Variants in CNBD1 observed in about 807,000 individuals in gnomAD.
The protein encoded by CNBD1 is cyclic nucleotide-binding domain-containing protein 1.
In CNBD1, 71 loss-of-function variants were observed where a neutral mutation model predicts 54.4. The ratio of observed to expected loss-of-function variants is 1.30; its 90% CI spans 1.08 to 1.59. The LOEUF (loss-of-function observed/expected upper bound fraction) is 1.59, where lower values mean the gene tolerates loss of function less well. CNBD1 is among the 40% of genes most tolerant of loss of function. The pLI, the probability that CNBD1 is intolerant of heterozygous loss-of-function variation, is 0.00. For missense variants in CNBD1, 659 were observed against 518.0 expected (o/e 1.27, Z -2.64); for synonymous variants, 182 against 170.7 (o/e 1.07, Z -0.51).
chr8:86,918,429 A>G (rs1300917627), intron 3 of CNBD1, among the ~76,000 whole-genome samples: 5 of 151,966 alleles, frequency 3.3e-5, no homozygotes, highest in Non-Finnish European at 2.9e-5. Flanking sequence ...TGCTGATATG[A>G]TTTGGTTCTG....
At chr8:87,371,675 G>A (rs1327880944) in intron 10 of CNBD1, among the ~76,000 whole-genome samples, 1 of 151,964 alleles carries the variant, frequency 6.6e-6, no homozygotes, top group Non-Finnish European at 1.5e-5. Context: ...ATGCAAGGCT[G>A]GTTCAATATA....
chr8:87,123,686 A>G (rs1263641909), intron 4 of CNBD1, among the ~76,000 whole-genome samples: 1 of 151,748 alleles, frequency 6.6e-6, no homozygotes, highest in East Asian at 1.9e-4. Context: ...TCTAAATGAA[A>G]TAGAGACTAG....
chr8:87,391,513 A>G (rs1811310157), intron 2 of CNBD1, among the ~76,000 whole-genome samples: 1 of 152,138 alleles, frequency 6.6e-6, no homozygotes, highest in African/African-American at 2.4e-5. Context: ...GTAACAATGG[A>G]ATATAATTGA....
chr8:87,063,023 C>A (rs977816198), intron 4 of CNBD1, among the ~76,000 whole-genome samples: 2 of 152,118 alleles, frequency 1.3e-5, no homozygotes, highest in African/African-American at 4.8e-5. Flanking sequence ...CAGACCCCTG[C>A]AAAGCAAGTA....
intron 2 of CNBD1, among the ~76,000 whole-genome samples, chr8:87,400,934 T>C (rs558206914): frequency 6.6e-6 from 1 of 152,128 alleles, no homozygotes; most frequent in East Asian, 1.9e-4. Context: ...TTAGACATTG[T>C]TTCTTAAAAA....
chr8:87,304,493 G>T (rs1163231107), intron 8 of CNBD1, among the ~76,000 whole-genome samples: 1 of 152,062 alleles, frequency 6.6e-6, no homozygotes, highest in East Asian at 1.9e-4. Context: ...TTGTGGGGTG[G>T]GGTGAGGGGG....
chr8:87,240,912 C>T (rs1236849590), intron 6 of CNBD1, among the ~76,000 whole-genome samples: 3 of 152,066 alleles, frequency 2.0e-5, no homozygotes, highest in Admixed American at 6.5e-5. Flanking sequence ...ATTCATCTCT[C>T]CAGGAGGTTC....
At chr8:86,873,194 C>T (rs1186713515) in intron 1 of CNBD1, among the ~76,000 whole-genome samples, 12 of 151,496 alleles carry the variant, frequency 7.9e-5, no homozygotes, top group African/African-American at 1.9e-4. Flanking sequence ...TTCTGCCTCC[C>T]GGGTTCAAGA....
chr8:87,102,273 C>T (rs1207398583), intron 4 of CNBD1, among the ~76,000 whole-genome samples: 1 of 151,974 alleles, frequency 6.6e-6, no homozygotes, highest in Non-Finnish European at 1.5e-5. Context: ...TCTGAGTGGG[C>T]ATGGGTACAG....
intron 4 of CNBD1, among the ~76,000 whole-genome samples, chr8:87,176,707 T>C (rs1023567560): frequency 6.6e-6 from 1 of 151,210 alleles, no homozygotes; most frequent in Non-Finnish European, 1.5e-5. Context: ...GCCAGGCTGC[T>C]CAAACTCCCA....
intron 8 of CNBD1, among the ~76,000 whole-genome samples, chr8:87,309,628 C>T (rs1366147892): frequency 6.6e-6 from 1 of 152,070 alleles, no homozygotes; most frequent in African/African-American, 2.4e-5. Context: ...ATCTGTATAT[C>T]TGTAGCTGTG....
At chr8:87,078,089 C>G (rs62527276) in intron 4 of CNBD1, among the ~76,000 whole-genome samples, 29,971 of 152,074 alleles carry the variant, frequency 0.2, 3,594 homozygotes, top group Non-Finnish European at 0.28. Context: ...TGGGAGAACA[C>G]AAACCTTCAG....
intron 10 of CNBD1, among the ~76,000 whole-genome samples, chr8:87,371,194 T>C (rs1288687185): frequency 6.6e-6 from 1 of 152,030 alleles, no homozygotes; most frequent in Admixed American, 6.6e-5. Context: ...CGGCTTAGGA[T>C]TGACTGGGCA....
intron 4 of CNBD1, among the ~76,000 whole-genome samples, chr8:87,045,206 G>C (rs1179677837): frequency 6.6e-6 from 1 of 152,098 alleles, no homozygotes; most frequent in Non-Finnish European, 1.5e-5. Flanking sequence ...CTAGGTGAGA[G>C]GAAACAATTC....
At chr8:86,870,913 T>C (rs1432242619) in intron 1 of CNBD1, among the ~76,000 whole-genome samples, 1 of 152,194 alleles carries the variant, frequency 6.6e-6, no homozygotes, top group East Asian at 1.9e-4. Context: ...ATATAATCAA[T>C]GATAGTCCCA....
chr8:87,331,785 G>C (rs1397933460), intron 8 of CNBD1, among the ~76,000 whole-genome samples: 1 of 152,100 alleles, frequency 6.6e-6, no homozygotes, highest in Non-Finnish European at 1.5e-5. Context: ...TCTCACTGTG[G>C]TTTTGATATG....
intron 4 of CNBD1, among the ~76,000 whole-genome samples, chr8:87,055,612 G>A (rs1810397711): frequency 6.6e-6 from 1 of 152,150 alleles, no homozygotes; most frequent in South Asian, 2.1e-4. Context: ...TCCTCAGGCT[G>A]CTCTATTTTT....
intron 6 of CNBD1, among the ~76,000 whole-genome samples, chr8:87,270,263 A>G (rs1808335116): frequency 6.6e-6 from 1 of 151,572 alleles, no homozygotes; most frequent in Non-Finnish European, 1.5e-5. Context: ...AAACAAATTT[A>G]CAAGGAAAAA....
intron 4 of CNBD1, among the ~76,000 whole-genome samples, chr8:86,950,437 G>A (rs186198508): frequency 2.0e-5 from 3 of 152,076 alleles, no homozygotes; most frequent in Non-Finnish European, 2.9e-5. Context: ...TTGATATGAT[G>A]TATCACATTG....
Sources: allele counts gnomAD v4.1 joint callset (sites outside exome capture counted in the v4.1 genomes callset), GRCh38; gene constraint gnomAD v4.1.1; transcripts MANE v1.5; gene names NCBI Gene and HGNC (gene_info 2026-07-23, HGNC 2026-07-21).